Variants in POLQ observed in about 807,000 individuals in gnomAD.
POLQ encodes DNA polymerase theta.
In POLQ, 233 loss-of-function variants were observed where a neutral mutation model predicts 259.2. That is an observed-to-expected ratio of 0.90 (90% CI 0.81 to 1.00). The LOEUF is 1.00. Ranked by LOEUF, POLQ falls within the 50% of genes least tolerant of loss-of-function variation. The probability of loss-of-function intolerance (pLI) is 0.00; values close to 1 mark genes in which losing one functional copy is unlikely to be tolerated. For missense variants in POLQ, 2,871 were observed against 3,051.6 expected (o/e 0.94, Z 1.39); for synonymous variants, 1,025 against 1,048.8 (o/e 0.98, Z 0.44).
intron 26 of POLQ, 69 bp from the exon 27 acceptor site, chr3:121,440,185 A>T: frequency 8.4e-7 from 1 of 1,187,236 alleles, no homozygotes; most frequent in South Asian, 1.3e-5. Context: ...ACTGGCTTAA[A>T]TATGGCAAAA....
chr3:121,501,640 C>T (rs555927885), intron 12 of POLQ, among the ~76,000 whole-genome samples: 157 of 106,686 alleles, frequency 1.5e-3, no homozygotes, highest in South Asian at 3.7e-3. Flanking sequence ...CCAGCCTGGG[C>T]GACAGAGCGA....
Position 121,433,027 on chromosome 3 carries a change from G to T in POLQ, c.7550C>A (p.Ser2517Ter). The T allele has an allele frequency of 6.3e-7, 1 of 1,592,884 alleles. No homozygotes were observed. The highest frequency in any genetic ancestry group is 8.6e-7 in the Non-Finnish European group (1 of 1,160,834). Residue 2517 changes from serine (S) to a stop codon, truncating the protein, a stop_gained, in exon 29 of 30, where the codon TCA (serine) becomes TAA (stop). Transcript: ENST00000264233. LOFTEE classifies it high-confidence loss of function. ...GMLQSDQTGLSRKRKLQGMFC... is the reference protein window; with the variant it reads ...GMLQSDQTGL Reference sequence around the variant, plus strand: ...CATCCCTTGCAGTTTTCTCTTTCGTGACAATCCTACTTCATGAAAAAGGAG... The same window carrying T: ...CATCCCTTGCAGTTTTCTCTTTCGTTACAATCCTACTTCATGAAAAAGGAG...
chr3:121,477,813 T>C (rs1436075449), intron 19 of POLQ, among the ~76,000 whole-genome samples: 1 of 151,910 alleles, frequency 6.6e-6, no homozygotes, highest in Non-Finnish European at 1.5e-5. Context: ...GCACTGCTGG[T>C]CTCAATCAGC....
chr3:121,502,585 G>A (rs1041046701), intron 12 of POLQ, among the ~76,000 whole-genome samples: 1 of 152,168 alleles, frequency 6.6e-6, no homozygotes, highest in South Asian at 2.1e-4. Flanking sequence ...CAGGAGGCAG[G>A]TGGAAGCAAA....
chr3:121,511,226 CAAA>C (rs34066876), intron 10 of POLQ, among the ~76,000 whole-genome samples: 1 of 74,940 alleles, frequency 1.3e-5, no homozygotes, highest in African/African-American at 6.1e-5. Context: ...ACTCCGTCTC[CAAA>C]AAAAAAAAAA....
chr3:121,452,772 G>A (rs570412576), intron 25 of POLQ, among the ~76,000 whole-genome samples: 107 of 152,266 alleles, frequency 7.0e-4, no homozygotes, highest in Middle Eastern at 3.4e-3. Flanking sequence ...AGCTCAAGGA[G>A]GCCTGCCTGT....
chr3:121,507,780 A>G (rs1369800592), intron 12 of POLQ, among the ~76,000 whole-genome samples: 1 of 152,182 alleles, frequency 6.6e-6, no homozygotes, highest in Non-Finnish European at 1.5e-5. Context: ...AACTTTGAGC[A>G]GTGTCCTTTT....
At chr3:121,542,544 A>C (rs1373758212) in intron 2 of POLQ, among the ~76,000 whole-genome samples, 1 of 152,192 alleles carries the variant, frequency 6.6e-6, no homozygotes, top group African/African-American at 2.4e-5. Flanking sequence ...ATAAAAGAAG[A>C]GATATGAAAG....
intron 1 of POLQ, among the ~76,000 whole-genome samples, chr3:121,545,171 G>A (rs2048521862): frequency 2.0e-5 from 3 of 152,162 alleles, no homozygotes; most frequent in Admixed American, 2.0e-4. Context: ...TGGAATTACG[G>A]GTGTAGTTGG....
chr3:121,449,442 C>A lies in POLQ; in HGVS notation c.7153-16G>T. 1.5e-6 allele frequency: 2 copies of A among 1,333,350 alleles called. No homozygotes were observed. Among genetic ancestry groups the A allele is most frequent in the Non-Finnish European group, 2.2e-6 (2 of 924,766 alleles). The allele number at this position is 1,333,350 out of a possible 1,614,324, so 82.6% of individuals were successfully genotyped here. Reference sequence around the variant, plus strand: ...CATAGCAAATCTGAAAGGGAGTCATCCAACAAATAAAGGTTATAAGTACAT... The same window carrying A: ...CATAGCAAATCTGAAAGGGAGTCATACAACAAATAAAGGTTATAAGTACAT... On this transcript the variant is annotated splice_polypyrimidine_tract_variant and intron_variant, in intron 25 of 29. Coordinates refer to ENST00000264233, the MANE Select transcript of POLQ (RefSeq NM_199420.4).
At chr3:121,501,005 C>T (rs541855297) in intron 12 of POLQ, among the ~76,000 whole-genome samples, 1 of 152,256 alleles carries the variant, frequency 6.6e-6, no homozygotes, top group South Asian at 2.1e-4. Flanking sequence ...GCTCTGTCAC[C>T]CTGGCTGGAG....
chr3:121,494,372 C>T lies in POLQ; in HGVS notation c.2279-651G>A, dbSNP rs1021945435. 98 of 1,589,020 alleles carry T rather than the reference C, an allele frequency of 6.2e-5. 1 individual carries two copies. In the South Asian group the frequency reaches 9.6e-4, roughly 16 times the overall value. ...TAACCAGTTCACCCAGGCCCTGGAC[C>T]GCCAAACAGCTACTCAGCTGCTTAA... On this transcript the variant is annotated intron_variant, in intron 14 of 29. Coordinates refer to ENST00000264233, the MANE Select transcript of POLQ (RefSeq NM_199420.4).
chr3:121,469,562 A>G (rs2047866847), intron 22 of POLQ, among the ~76,000 whole-genome samples: 1 of 152,214 alleles, frequency 6.6e-6, no homozygotes, highest in Non-Finnish European at 1.5e-5. Flanking sequence ...AATTGTTGAC[A>G]TTAAATGGCC....
chr3:121,443,276 T>TG (rs1337870791), intron 26 of POLQ, among the ~76,000 whole-genome samples: 12 of 152,272 alleles, frequency 7.9e-5, no homozygotes, highest in African/African-American at 2.4e-4. Context: ...TGTTATCACC[T>TG]GTCTTTTGGA....
Position 121,487,414 on chromosome 3 carries a change from T to A in POLQ, c.5517A>T (p.Thr1839=), listed in dbSNP as rs1284897465. Residue 1839 remains threonine (T), a synonymous_variant, in exon 16 of 30, where the codon ACA becomes ACT. Coordinates refer to ENST00000264233, the MANE Select transcript of POLQ (RefSeq NM_199420.4). ...DVASDQNLFQ[T]FIKEWRCKKR... ...TTTTGCACCGCCACTCCTTAATGAA[T>A]GTTTGGAAAAGATTTTGGTCACTTG... 2 of 1,614,098 alleles carry A rather than the reference T, an allele frequency of 1.2e-6. No homozygotes were observed. Among genetic ancestry groups the A allele is most frequent in the East Asian group, 2.2e-5 (1 of 44,858 alleles).
chr3:121,486,879 G>C (rs1489435091), intron 16 of POLQ, among the ~76,000 whole-genome samples: 1 of 124,258 alleles, frequency 8.0e-6, no homozygotes, highest in Non-Finnish European at 1.7e-5. Flanking sequence ...AGGAAAGAAA[G>C]AAAGAAAGAG....
intron 8 of POLQ, chr3:121,521,459 T>G (rs1439582864): frequency 6.6e-6 from 1 of 152,260 alleles, no homozygotes; most frequent in African/African-American, 2.4e-5. Context: ...ATCATATATG[T>G]GGGGCTGGTA....
chr3:121,445,896 G>A (rs781363829), intron 26 of POLQ, among the ~76,000 whole-genome samples: 2 of 149,926 alleles, frequency 1.3e-5, no homozygotes, highest in African/African-American at 4.9e-5. Context: ...CCAACTTTTT[G>A]TTTTGTTGTT....
rs535718432 is a variant in POLQ, at chr3:121,488,015, C to G, written c.4916G>C (p.Ser1639Thr). Residue 1639 changes from serine (S) to threonine (T), a missense_variant, in exon 16 of 30, where the codon AGT becomes ACT. Transcript: ENST00000264233. ...ATCTAAAATCCTTTGCAGTCCTGGACTTAGATCAAATGATGCCCCTGACCA... is the reference window on the plus strand; with the variant it reads ...ATCTAAAATCCTTTGCAGTCCTGGAGTTAGATCAAATGATGCCCCTGACCA... ...FIWSGASFDL[S>T]PGLQRILDKV... 1 of 1,613,710 alleles carries G rather than the reference C, an allele frequency of 6.2e-7. No homozygotes were observed. Among genetic ancestry groups the G allele is most frequent in the South Asian group, 1.1e-5 (1 of 91,056 alleles).
Sources: gnomAD v4.1 joint callset for allele counts (sites outside exome capture counted in the v4.1 genomes callset) on GRCh38, gnomAD v4.1.1 for gene constraint, MANE v1.5 for transcripts, NCBI Gene and HGNC (gene_info 2026-07-23, HGNC 2026-07-21) for gene names.